SGO2: variants seen among roughly 807,000 people sequenced by gnomAD.
The protein encoded by SGO2 is shugoshin 2, also known as shugoshin-like 2.
SGO2 carries 68 observed loss-of-function variants against 99.5 expected under a neutral mutation model. The ratio of observed to expected loss-of-function variants is 0.68; its 90% CI spans 0.56 to 0.84. SGO2 has a LOEUF of 0.84. Among genes scored for constraint, SGO2 ranks in the 40% least tolerant of loss-of-function variants. The pLI, the probability that SGO2 is intolerant of heterozygous loss-of-function variation, is 0.00. For missense variants in SGO2, 1,350 were observed against 1,436.7 expected (o/e 0.94, Z 0.97); for synonymous variants, 457 against 487.1 (o/e 0.94, Z 0.81).
intron 4 of SGO2, among the ~76,000 whole-genome samples, chr2:200,538,705 TTTGA>T (rs1404967425): frequency 1.3e-5 from 2 of 152,338 alleles, no homozygotes; most frequent in African/African-American, 2.4e-5. Flanking sequence ...GCAGTCCCTC[TTTGA>T]TTGAGCTTTT....
At chr2:200,555,439 C>T (rs552923012) in intron 5 of SGO2, among the ~76,000 whole-genome samples, 3 of 152,228 alleles carry the variant, frequency 2.0e-5, no homozygotes, top group Admixed American at 2.0e-4. Context: ...ATTAAGGGTC[C>T]CATTTTTATA....
intron 5 of SGO2, among the ~76,000 whole-genome samples, chr2:200,564,903 C>G (rs1474451917): frequency 6.6e-6 from 1 of 151,534 alleles, no homozygotes; most frequent in Non-Finnish European, 1.5e-5. Flanking sequence ...TTTTTGTTTT[C>G]CATTTGCTTG....
rs150267606 is a variant in SGO2 at position 200,554,041 on chromosome 2, A to G, written c.473+11377A>G. 2.6e-5 allele frequency among the ~76,000 whole-genome samples: 4 copies of G among 152,300 alleles called. No homozygotes were observed. In the East Asian group the frequency reaches 7.7e-4, roughly 29 times the overall value. On this transcript the variant is annotated intron_variant, in intron 5 of 8. Transcript: ENST00000357799. ...CTTGGTAAAATAACCAGTTTTTCCA[A>G]TTGTGTTCTGTTGCAAAAGAAAACA... is the stretch of plus-strand genomic sequence containing the variant.
chr2:200,545,500 C>T (rs73044138), intron 5 of SGO2, among the ~76,000 whole-genome samples: 3,842 of 151,944 alleles, frequency 0.025, 175 homozygotes, highest in African/African-American at 0.088. Context: ...GGTTCTAAAA[C>T]GGCAGTGTAA....
chr2:200,533,367 C>T (rs1285566000), intron 2 of SGO2: 2 of 261,680 alleles, frequency 7.6e-6, no homozygotes, highest in African/African-American at 2.3e-5. Flanking sequence ...TTCTACAGCG[C>T]AGAAAAAAAC....
chr2:200,555,591 A>G (rs138355142), intron 5 of SGO2, among the ~76,000 whole-genome samples: 1 of 152,292 alleles, frequency 6.6e-6, no homozygotes, highest in East Asian at 1.9e-4. Context: ...CTTATTTCTC[A>G]GTGGTAGTGG....
At chr2:200,547,097 A>G (rs879915151) in intron 5 of SGO2, among the ~76,000 whole-genome samples, 9 of 152,232 alleles carry the variant, frequency 5.9e-5, no homozygotes, top group Non-Finnish European at 1.0e-4. Context: ...CAAAGGTCAA[A>G]GACAAAGAGA....
In SGO2 at chr2:200,561,609, T is replaced by C. The variant is rs531323427; in HGVS notation, c.474-8054T>C. Among the ~76,000 whole-genome samples the C allele has an allele frequency of 2.0e-4, 31 of 152,350 alleles. No homozygotes were observed. In the South Asian group the frequency reaches 6.2e-3, roughly 31 times the overall value. ...TGGCTGGGTCAAATGGTATTTCTAG[T>C]TCTAGATCCTTGAGGAATTGCCACC... On this transcript the variant is annotated intron_variant, in intron 5 of 8. Transcript: ENST00000357799.
chr2:200,557,929 T>C (rs1285784269), intron 5 of SGO2, among the ~76,000 whole-genome samples: 2 of 150,664 alleles, frequency 1.3e-5, no homozygotes. Context: ...AATGGCATGA[T>C]CTCGGCTCAC....
chr2:200,573,544 G>A lies in SGO2; in HGVS notation c.3198G>A (p.Glu1066=), dbSNP rs1209925357. The change falls in exon 7 of 9, where the codon GAG becomes GAA. Residue 1066 remains glutamate (E), a synonymous_variant. Transcript: ENST00000357799. ...TTGTGGAAGAAATAAAAGAAGGAGA[G>A]TGTCAGGTTAAAAAGGTAAATAAAA... is the stretch of plus-strand genomic sequence containing the variant. ...LPFVEEIKEG[E]CQVKKVNKMT... 3 of 1,609,478 alleles carry A rather than the reference G, an allele frequency of 1.9e-6. No homozygotes were observed. Among genetic ancestry groups the A allele is most frequent in the Non-Finnish European group, 2.5e-6 (3 of 1,178,580 alleles).
rs1428098648 is a variant in SGO2, at chr2:200,571,611, A to T, written c.1265A>T (p.Asp422Val). ...AAGAGACAGTTTAAAAATAGTTCAG[A>T]TGTCGATATTGGGGAAAAGATTGAA... ...RSKRQFKNSS[D>V]VDIGEKIENR... is the part of the protein sequence containing the mutation. Residue 422 changes from aspartate (D) to valine (V), a missense_variant, in exon 7 of 9, where the codon GAT (aspartate) becomes GTT (valine). Transcript: ENST00000357799. 3 of 1,612,692 alleles carry T rather than the reference A, an allele frequency of 1.9e-6. No individual in the cohort carries two copies. The highest frequency in any genetic ancestry group is 2.5e-6 in the Non-Finnish European group (3 of 1,179,572).
chr2:200,579,869 A>G (rs539043649), intron 8 of SGO2, among the ~76,000 whole-genome samples: 120 of 152,308 alleles, frequency 7.9e-4, no homozygotes, highest in Non-Finnish European at 1.3e-3. Flanking sequence ...TAAGGGAATC[A>G]AGAAAGTCAC....
chr2:200,538,264 T>C (rs1406356724), intron 4 of SGO2, among the ~76,000 whole-genome samples: 1 of 152,162 alleles, frequency 6.6e-6, no homozygotes, highest in Non-Finnish European at 1.5e-5. Flanking sequence ...TTTCTTCCAC[T>C]CCTTAACCTT....
rs12052989 is a variant in SGO2, at chr2:200,572,611, T to C, written c.2265T>C (p.Pro755=). The C allele has an allele frequency of 0.77, 1,241,131 of 1,612,186 alleles. 479,437 individuals carry two copies. Among genetic ancestry groups the C allele is most frequent in the East Asian group, 0.82 (36,737 of 44,826 alleles). Residue 755 remains proline, a synonymous_variant, in exon 7 of 9, where the codon CCT becomes CCC. Transcript: ENST00000357799. ...FLTQKDKEII[P]GNLEDPSEFE... Reference sequence around the variant, plus strand: ...CGCAAAAAGATAAGGAAATCATCCCTGGAAACCTAGAAGACCCAAGTGAGT... The same window carrying C: ...CGCAAAAAGATAAGGAAATCATCCCCGGAAACCTAGAAGACCCAAGTGAGT...
intron 4 of SGO2, 136 bp from the exon 5 acceptor site, chr2:200,542,443 T>C: frequency 1.8e-6 from 1 of 565,024 alleles, no homozygotes; most frequent in Non-Finnish European, 3.1e-6. Context: ...TATCACATTA[T>C]TCTCATTAAA....
At chr2:200,532,491 T>G (rs1289118968) in intron 1 of SGO2, 3 of 944,626 alleles carry the variant, frequency 3.2e-6, no homozygotes, top group Non-Finnish European at 3.8e-6. Flanking sequence ...AATACTATAA[T>G]GTAATGATTT....
At chr2:200,578,065 T>C (rs2033721085) in intron 8 of SGO2, among the ~76,000 whole-genome samples, 1 of 152,194 alleles carries the variant, frequency 6.6e-6, no homozygotes, top group South Asian at 2.1e-4. Flanking sequence ...ACAGTACTAC[T>C]GTGGGTACTA....
At chr2:200,530,844 C>A (rs558440496) in intron 1 of SGO2, among the ~76,000 whole-genome samples, 1 of 152,244 alleles carries the variant, frequency 6.6e-6, no homozygotes, top group South Asian at 2.1e-4. Flanking sequence ...TGGAAAAAAG[C>A]AGTTTTGGTG....
chr2:200,532,364 T>TA, intron 1 of SGO2: 1 of 983,374 alleles, frequency 1.0e-6, no homozygotes, highest in Non-Finnish European at 1.2e-6. Context: ...AGGTTGGTCT[T>TA]ACATGGCTCA....
Sources: gnomAD v4.1 joint callset for allele counts (sites outside exome capture counted in the v4.1 genomes callset) on GRCh38, gnomAD v4.1.1 for gene constraint, MANE v1.5 for transcripts, NCBI Gene and HGNC (gene_info 2026-07-23, HGNC 2026-07-21) for gene names.